The following ADAMTSL1 variants were observed in gnomAD, a reference collection of about 807,000 sequenced individuals.
The protein encoded by ADAMTSL1 is ADAMTS like 1.
A neutral mutation model predicts 201.8 loss-of-function variants in ADAMTSL1; 126 were observed. The ratio of observed to expected loss-of-function variants is 0.62; its 90% CI spans 0.54 to 0.72. ADAMTSL1 has a LOEUF of 0.72. ADAMTSL1 is among the 30% of genes least tolerant of loss of function. The pLI, the probability that ADAMTSL1 is intolerant of heterozygous loss-of-function variation, is 0.00. For synonymous variants in ADAMTSL1, 1,121 were observed against 903.4 expected, an observed-to-expected ratio of 1.24 and a Z score of -4.32; for missense variants, 2,679 against 2,277.8, an observed-to-expected ratio of 1.18 and a Z score of -3.59.
chr9:18,530,473 G>A (rs1390022442), intron 2 of ADAMTSL1, among the ~76,000 whole-genome samples: 2 of 152,012 alleles, frequency 1.3e-5, no homozygotes, highest in African/African-American at 4.8e-5. Flanking sequence ...TCCCCTTTGT[G>A]TATTACAAAG....
At chr9:18,482,863 G>C (rs78616177) in intron 1 of ADAMTSL1, among the ~76,000 whole-genome samples, 1 of 152,236 alleles carries the variant, frequency 6.6e-6, no homozygotes, top group East Asian at 1.9e-4. Context: ...AGAACTAGCC[G>C]GTTCTTTTTT....
intron 2 of ADAMTSL1, among the ~76,000 whole-genome samples, chr9:18,261,071 G>A (rs1339072787): frequency 9.2e-6 from 1 of 108,350 alleles, no homozygotes; most frequent in Admixed American, 1.1e-4. Flanking sequence ...TTAAATGGGG[G>A]AAAGTGTGGG....
At chr9:18,026,299 A>G (rs1403359289) in intron 1 of ADAMTSL1, among the ~76,000 whole-genome samples, 1 of 152,162 alleles carries the variant, frequency 6.6e-6, no homozygotes, top group East Asian at 1.9e-4. Flanking sequence ...CTTAAGGGAA[A>G]TGCTGCCAGC....
chr9:18,513,030 G>A (rs1189245941), intron 2 of ADAMTSL1, among the ~76,000 whole-genome samples: 2 of 152,212 alleles, frequency 1.3e-5, no homozygotes, highest in Non-Finnish European at 2.9e-5. Flanking sequence ...TACTTTTGCA[G>A]AATTAAGAAA....
intron 4 of ADAMTSL1, among the ~76,000 whole-genome samples, chr9:18,577,882 G>A (rs1050661433): frequency 8.6e-5 from 13 of 151,946 alleles, no homozygotes; most frequent in Middle Eastern, 3.2e-3. Context: ...CAATTGAAAC[G>A]TTCATCACAA....
At chr9:18,760,480 G>T (rs574649539) in intron 16 of ADAMTSL1, among the ~76,000 whole-genome samples, 1 of 152,246 alleles carries the variant, frequency 6.6e-6, no homozygotes, top group East Asian at 1.9e-4. Flanking sequence ...GTTATGATAT[G>T]CAGTGTTACA....
At chr9:18,611,363 C>A (rs1316743198) in intron 4 of ADAMTSL1, among the ~76,000 whole-genome samples, 2 of 152,162 alleles carry the variant, frequency 1.3e-5, no homozygotes, top group Non-Finnish European at 2.9e-5. Context: ...AGAAGACAGC[C>A]TGCTAAAGAG....
chr9:18,439,874 A>G (rs965397535), intron 2 of ADAMTSL1, among the ~76,000 whole-genome samples: 8 of 152,180 alleles, frequency 5.3e-5, no homozygotes, highest in Non-Finnish European at 7.3e-5. Context: ...TGTGTGTCCA[A>G]GGTCATATAA....
intron 14 of ADAMTSL1, among the ~76,000 whole-genome samples, chr9:18,714,195 G>A (rs370236608): frequency 0.073 from 10,985 of 151,040 alleles, 1,003 homozygotes; most frequent in African/African-American, 0.22. Context: ...AAGAACTAGA[G>A]AAGCAAGAGC....
chr9:18,116,764 G>A (rs1045234660), intron 1 of ADAMTSL1, among the ~76,000 whole-genome samples: 1 of 152,040 alleles, frequency 6.6e-6, no homozygotes, highest in African/African-American at 2.4e-5. Context: ...TGTGCACAAC[G>A]TGCAGGTTTG....
At chr9:18,313,155 T>TGCTTAA (rs1834221993) in intron 2 of ADAMTSL1, among the ~76,000 whole-genome samples, 1 of 152,216 alleles carries the variant, frequency 6.6e-6, no homozygotes, top group Non-Finnish European at 1.5e-5. Context: ...TCAGTAGGTA[T>TGCTTAA]GGGGTAAGGC....
chr9:18,089,016 A>G (rs996702873), intron 1 of ADAMTSL1, among the ~76,000 whole-genome samples: 2 of 152,202 alleles, frequency 1.3e-5, no homozygotes, highest in African/African-American at 4.8e-5. Context: ...TGGGTACACA[A>G]AATGTGGTAT....
chr9:18,535,497 T>C (rs1036128158), intron 3 of ADAMTSL1, among the ~76,000 whole-genome samples: 1 of 152,196 alleles, frequency 6.6e-6, no homozygotes, highest in Admixed American at 6.5e-5. Context: ...CCCTCCAAAC[T>C]GTGCCAGCCT....
chr9:18,061,146 G>T (rs947076547), intron 1 of ADAMTSL1, among the ~76,000 whole-genome samples: 1 of 152,114 alleles, frequency 6.6e-6, no homozygotes, highest in African/African-American at 2.4e-5. Flanking sequence ...AGAAAAAAGA[G>T]CCATGACTTA....
chr9:18,195,472 C>G (rs556135921), intron 2 of ADAMTSL1, among the ~76,000 whole-genome samples: 2 of 152,284 alleles, frequency 1.3e-5, no homozygotes, highest in South Asian at 4.1e-4. Context: ...AAGTTCCATG[C>G]TTGTAAGCAG....
intron 2 of ADAMTSL1, among the ~76,000 whole-genome samples, chr9:18,236,166 G>A (rs944937500): frequency 8.5e-5 from 13 of 152,150 alleles, no homozygotes; most frequent in African/African-American, 3.1e-4. Flanking sequence ...CGCCTCCCAG[G>A]TTCAAGCAAT....
intron 13 of ADAMTSL1, among the ~76,000 whole-genome samples, chr9:18,687,564 A>G (rs1265670024): frequency 6.6e-6 from 1 of 152,234 alleles, no homozygotes; most frequent in Non-Finnish European, 1.5e-5. Context: ...AGCAGTAAAT[A>G]TCATTTATTT....
rs1247883240 is a variant in ADAMTSL1 at position 18,546,827 on chromosome 9, T to A, written c.237+13535T>A. 2.0e-5 allele frequency among the ~76,000 whole-genome samples: 3 copies of A among 152,254 alleles called. No individual in the cohort carries two copies. In the East Asian group the frequency reaches 5.8e-4, roughly 29 times the overall value. On this transcript the variant is annotated intron_variant, in intron 3 of 28. Transcript: ENST00000380548. Reference sequence around the variant, plus strand: ...GATTTCCAGGCACACCACCCCTATTTCATTCAAAACAAGTCTGCTTTTAAC... The same window carrying A: ...GATTTCCAGGCACACCACCCCTATTACATTCAAAACAAGTCTGCTTTTAAC...
At chr9:18,710,679 T>TTG (rs1832524159) in intron 14 of ADAMTSL1, among the ~76,000 whole-genome samples, 1 of 148,644 alleles carries the variant, frequency 6.7e-6, no homozygotes, top group Non-Finnish European at 1.5e-5. Context: ...TTGTTTTTTT[T>TTG]TTTTTTTTTT....
Sources: gnomAD v4.1 joint callset for allele counts (sites outside exome capture counted in the v4.1 genomes callset) on GRCh38, gnomAD v4.1.1 for gene constraint, MANE v1.5 for transcripts, NCBI Gene and HGNC (gene_info 2026-07-23, HGNC 2026-07-21) for gene names.